SEMA3A: variants seen among roughly 807,000 people sequenced by gnomAD.
SEMA3A encodes semaphorin-3A.
In SEMA3A, 29 loss-of-function variants were observed where a neutral mutation model predicts 97.9. That is an observed-to-expected ratio of 0.30 (90% CI 0.22 to 0.40). The LOEUF is 0.40. Among genes scored for constraint, SEMA3A ranks in the 10% least tolerant of loss-of-function variants. SEMA3A has a pLI of 1.00. For synonymous variants in SEMA3A, 321 were observed against 323.7 expected (o/e 0.99, Z 0.09); for missense variants, 763 against 951.3 (o/e 0.80, Z 2.60).
intron 3 of SEMA3A, among the ~76,000 whole-genome samples, chr7:84,224,716 G>T (rs1481347993): frequency 6.6e-6 from 1 of 152,130 alleles, no homozygotes; most frequent in East Asian, 1.9e-4. Context: ...AGTATTTGTT[G>T]TCACATCACC....
chr7:84,358,960 T>C (rs1802642954), intron 2 of SEMA3A, among the ~76,000 whole-genome samples: 1 of 152,192 alleles, frequency 6.6e-6, no homozygotes, highest in African/African-American at 2.4e-5. Context: ...ATAAGAATGC[T>C]TGTGATTTTT....
chr7:84,312,118 T>C (rs1403247982), intron 2 of SEMA3A, among the ~76,000 whole-genome samples: 9 of 151,956 alleles, frequency 5.9e-5, no homozygotes. Context: ...GCATCTATCT[T>C]TTAAGTAAGC....
intron 1 of SEMA3A, among the ~76,000 whole-genome samples, chr7:84,383,325 T>C (rs1369448040): frequency 6.6e-6 from 1 of 152,060 alleles, no homozygotes; most frequent in East Asian, 1.9e-4. Context: ...CTTTATCAGA[T>C]AGAATATTAA....
chr7:84,138,044 C>T lies in SEMA3A; in HGVS notation c.113-3093G>A, dbSNP rs142945470. ...GAGTTAATGTATCTTTTAAGAGTTA[C>T]TGAGGTGAAATTAGATAATGCCTAT... On this transcript the variant is annotated intron_variant, in intron 1 of 16. Coordinates refer to ENST00000265362, the MANE Select transcript of SEMA3A (RefSeq NM_006080.3). Among the ~76,000 whole-genome samples the T allele has an allele frequency of 6.8e-3, 1,028 of 151,898 alleles. 4 individuals are homozygous for T. Among genetic ancestry groups the T allele is most frequent in the Middle Eastern group, 0.017 (5 of 294 alleles).
rs529599608 is a variant in SEMA3A, at chr7:84,331,487, A to G, written c.-168-24195T>C. Among the ~76,000 whole-genome samples the G allele has an allele frequency of 7.2e-5, 11 of 152,232 alleles. No individual in the cohort carries two copies. The South Asian group carries it at 2.1e-3, about 29-fold the overall frequency. On this transcript the variant is annotated intron_variant, in intron 2 of 3. Transcript: ENST00000424555. ...AAGTTTTCATTGCCCCTTATCTACA[A>G]TGCATTGAAATTGTTCTTTATTACT...
intron 1 of SEMA3A, among the ~76,000 whole-genome samples, chr7:84,421,107 C>T (rs1804578634): frequency 6.6e-6 from 1 of 151,472 alleles, no homozygotes; most frequent in South Asian, 2.1e-4. Flanking sequence ...CTTTCTAAAA[C>T]CGAATTCTCT....
chr7:84,051,155 C>G (rs1382412104), intron 5 of SEMA3A, among the ~76,000 whole-genome samples: 1 of 148,612 alleles, frequency 6.7e-6, no homozygotes, highest in Non-Finnish European at 1.5e-5. Context: ...ATGCCTCCAG[C>G]TTTGTTCTTT....
At chr7:84,265,966 T>C (rs1265792470) in intron 3 of SEMA3A, among the ~76,000 whole-genome samples, 1 of 152,154 alleles carries the variant, frequency 6.6e-6, no homozygotes, top group African/African-American at 2.4e-5. Flanking sequence ...AATTTGAATA[T>C]AATTTAGTAA....
At chr7:83,989,013 T>A in intron 12 of SEMA3A, among the ~76,000 whole-genome samples, 1 of 152,132 alleles carries the variant, frequency 6.6e-6, no homozygotes, top group Non-Finnish European at 1.5e-5. Context: ...AATATTGGAA[T>A]CAATAACCAA....
chr7:84,096,228 C>G (rs1447406225), intron 4 of SEMA3A, among the ~76,000 whole-genome samples: 1 of 151,980 alleles, frequency 6.6e-6, no homozygotes, highest in Non-Finnish European at 1.5e-5. Context: ...TCAGCTCTTA[C>G]CACTAAGTAG....
intron 3 of SEMA3A, among the ~76,000 whole-genome samples, chr7:84,240,484 T>C (rs985151626): frequency 6.6e-6 from 1 of 152,002 alleles, no homozygotes; most frequent in Non-Finnish European, 1.5e-5. Context: ...GAAAGAAAGA[T>C]TTGAAGATGT....
chr7:84,284,755 C>T (rs1392752844), intron 3 of SEMA3A, among the ~76,000 whole-genome samples: 1 of 152,118 alleles, frequency 6.6e-6, no homozygotes, highest in Admixed American at 6.6e-5. Flanking sequence ...TTTTTCAACT[C>T]ACTGTCAAAT....
At chr7:84,418,912 C>A (rs1363552445) in intron 1 of SEMA3A, among the ~76,000 whole-genome samples, 1 of 151,114 alleles carries the variant, frequency 6.6e-6, no homozygotes, top group South Asian at 2.1e-4. Flanking sequence ...CATATATACA[C>A]ATAAATACAC....
intron 2 of SEMA3A, among the ~76,000 whole-genome samples, chr7:84,354,900 T>G (rs1802520169): frequency 6.6e-6 from 1 of 151,700 alleles, no homozygotes; most frequent in Admixed American, 6.6e-5. Context: ...TATGAAAATA[T>G]GGTATCATTC....
intron 1 of SEMA3A, among the ~76,000 whole-genome samples, chr7:84,482,630 C>T (rs1806476232): frequency 6.6e-6 from 1 of 152,118 alleles, no homozygotes; most frequent in Non-Finnish European, 1.5e-5. Flanking sequence ...AGCCCAAGTA[C>T]CCACCACATT....
At chr7:83,966,606 C>G (rs1457549117) in intron 15 of SEMA3A, among the ~76,000 whole-genome samples, 1 of 152,150 alleles carries the variant, frequency 6.6e-6, no homozygotes, top group African/African-American at 2.4e-5. Context: ...CTATCAATCA[C>G]GATCAAGATA....
Position 84,359,205 on chromosome 7 carries a change from C to A in SEMA3A, c.-169+12619G>T, listed in dbSNP as rs568139503. ...ATAGGAGTGGTGAGAGAGGGCATCC[C>A]TGTCTTGTGCCAGTTTTCCAAGGGA... On this transcript the variant is annotated intron_variant, in intron 2 of 3. Transcript: ENST00000424555. Among the ~76,000 whole-genome samples, 48 of 152,206 alleles carry A rather than the reference C, an allele frequency of 3.2e-4. 1 individual carries two copies. Among genetic ancestry groups the A allele is most frequent in the South Asian group, 2.3e-3 (11 of 4,828 alleles).
intron 2 of SEMA3A, among the ~76,000 whole-genome samples, chr7:84,355,121 A>G (rs1449987507): frequency 6.6e-6 from 1 of 151,798 alleles, no homozygotes; most frequent in Admixed American, 6.6e-5. Flanking sequence ...GAGAGTAAAA[A>G]CTGCTTTGAC....
intron 5 of SEMA3A, among the ~76,000 whole-genome samples, chr7:84,058,499 A>T (rs1456185046): frequency 6.6e-6 from 1 of 152,218 alleles, no homozygotes; most frequent in African/African-American, 2.4e-5. Context: ...GCACAGTTAT[A>T]AAGAAAGCAA....
Sources: allele counts gnomAD v4.1 joint callset (sites outside exome capture counted in the v4.1 genomes callset), GRCh38; gene constraint gnomAD v4.1.1; transcripts MANE v1.5; gene names NCBI Gene and HGNC (gene_info 2026-07-23, HGNC 2026-07-21).